The following MKLN1 variants were observed in gnomAD, a reference collection of about 807,000 sequenced individuals.
MKLN1 encodes the protein muskelin.
In MKLN1, 18 loss-of-function variants were observed where a neutral mutation model predicts 99.0. That is an observed-to-expected ratio of 0.18 (90% confidence interval 0.13 to 0.27). The LOEUF (loss-of-function observed/expected upper bound fraction) is 0.27. Ranked by LOEUF, MKLN1 falls within the 10% of genes least tolerant of loss-of-function variation. The pLI, the probability that MKLN1 is intolerant of heterozygous loss-of-function variation, is 1.00. For missense variants in MKLN1, 621 were observed against 875.9 expected (o/e 0.71, Z 3.67); for synonymous variants, 288 against 293.2 (o/e 0.98, Z 0.18).
rs542494919 is a variant in MKLN1, at chr7:131,416,092, G to A, written c.847+1382G>A. ...ATTACAGGTGTGAGCTACCATGTCC[G>A]GCCCACCCTTTCAAACAAATTTGGT... is the stretch of plus-strand genomic sequence containing the variant. On this transcript the variant is annotated intron_variant, in intron 8 of 17. Transcript: ENST00000352689. Among the ~76,000 whole-genome samples, 5 of 152,086 alleles carry A rather than the reference G, an allele frequency of 3.3e-5. No homozygotes were observed. In the East Asian group the frequency reaches 5.8e-4, roughly 18 times the overall value.
chr7:131,279,504 C>T (rs1798020825), intron 3 of MKLN1, among the ~76,000 whole-genome samples: 1 of 152,096 alleles, frequency 6.6e-6, no homozygotes, highest in Non-Finnish European at 1.5e-5. Flanking sequence ...AAAAAAGTTG[C>T]CCATTTAAAG....
chr7:131,285,467 C>T (rs976028617), intron 3 of MKLN1, among the ~76,000 whole-genome samples: 7 of 152,166 alleles, frequency 4.6e-5, no homozygotes, highest in African/African-American at 1.4e-4. Context: ...CAAAGGTAAG[C>T]GTTTCCATGT....
At position 131,229,929 on chromosome 7, in the gene MKLN1, C is replaced by T. The variant is rs183088310; in HGVS notation, c.-179+26955C>T. Among the ~76,000 whole-genome samples the T allele has an allele frequency of 1.6e-4, 25 of 152,290 alleles. 1 individual carries two copies. In the East Asian group the frequency reaches 2.5e-3, roughly 15 times the overall value. ...TCTACAGATGCAGGTTTCCCTGTTTCGTGATGGCTTTGCAGGGCTACTTCA... is the reference window on the plus strand; with the variant it reads ...TCTACAGATGCAGGTTTCCCTGTTTTGTGATGGCTTTGCAGGGCTACTTCA... On this transcript the variant is annotated intron_variant, in intron 3 of 7. Transcript: ENST00000416992.
chr7:131,246,281 C>T (rs1797487806), intron 3 of MKLN1, among the ~76,000 whole-genome samples: 1 of 152,170 alleles, frequency 6.6e-6, no homozygotes, highest in African/African-American at 2.4e-5. Context: ...CAGGGAATGC[C>T]AAACAATTCT....
chr7:131,204,044 T>C (rs548419668), intron 3 of MKLN1, among the ~76,000 whole-genome samples: 21 of 152,224 alleles, frequency 1.4e-4, no homozygotes, highest in Non-Finnish European at 2.9e-4. Context: ...CTATACTTCT[T>C]GCATCTCCTC....
rs146695886 is a variant in MKLN1 at position 131,281,599 on chromosome 7, G to A, written c.-179+78625G>A. Among the ~76,000 whole-genome samples the A allele has an allele frequency of 1.2e-3, 180 of 151,848 alleles. 1 individual carries two copies. The highest frequency in any genetic ancestry group is 4.0e-3 in the African/African-American group (164 of 41,452). On this transcript the variant is annotated intron_variant, in intron 3 of 7. Transcript: ENST00000416992. The stretch of plus-strand genomic sequence containing the variant: ...TTGGGATTTTGATGGAGATTGCATT[G>A]GATTTCATTTTTCAGGATTATTCAT...
chr7:131,332,051 T>C (rs971456751), intron 1 of MKLN1, among the ~76,000 whole-genome samples: 1 of 152,132 alleles, frequency 6.6e-6, no homozygotes, highest in Non-Finnish European at 1.5e-5. Flanking sequence ...TGATTCATGG[T>C]TCAGAGTACA....
chr7:131,248,539 T>C (rs1470106940), intron 3 of MKLN1, among the ~76,000 whole-genome samples: 1 of 152,194 alleles, frequency 6.6e-6, no homozygotes, highest in Admixed American at 6.5e-5. Flanking sequence ...GATCTTTTGC[T>C]TACTTACTGT....
intron 4 of MKLN1, among the ~76,000 whole-genome samples, chr7:131,393,745 C>T (rs965539844): frequency 1.3e-5 from 2 of 151,910 alleles, no homozygotes; most frequent in Non-Finnish European, 2.9e-5. Context: ...TTCATCTGGC[C>T]TCCCAAGTAG....
At chr7:131,426,188 A>T (rs1239800278) in intron 8 of MKLN1, among the ~76,000 whole-genome samples, 1 of 152,222 alleles carries the variant, frequency 6.6e-6, no homozygotes, top group Non-Finnish European at 1.5e-5. Flanking sequence ...CTTTGCTGTG[A>T]GAATTTATGC....
At chr7:131,269,343 G>A (rs1427354000) in intron 3 of MKLN1, among the ~76,000 whole-genome samples, 1 of 152,184 alleles carries the variant, frequency 6.6e-6, no homozygotes, top group Non-Finnish European at 1.5e-5. Flanking sequence ...TCTGGTGAGG[G>A]CCTGCCTTCT....
intron 4 of MKLN1, among the ~76,000 whole-genome samples, 168 bp from the exon 5 acceptor site, chr7:131,397,099 T>C (rs1794382905): frequency 3.3e-5 from 5 of 152,230 alleles, no homozygotes; most frequent in Non-Finnish European, 5.9e-5. Flanking sequence ...ATGGGTCATC[T>C]GTTTCGTTTT....
At position 131,450,402 on chromosome 7, in the gene MKLN1, G is replaced by A. The variant is rs192540740; in HGVS notation, c.1525+4499G>A. Reference sequence around the variant, plus strand: ...AAGTGACAGCCTTACCTTTAGATTAGTGCTAGTGAAGAAAAGAACATATTT... The same window carrying A: ...AAGTGACAGCCTTACCTTTAGATTAATGCTAGTGAAGAAAAGAACATATTT... On this transcript the variant is annotated intron_variant, in intron 12 of 17. Coordinates refer to ENST00000352689, the MANE Select transcript of MKLN1 (RefSeq NM_013255.5). Among the ~76,000 whole-genome samples the A allele has an allele frequency of 2.2e-3, 335 of 152,292 alleles. 3 individuals are homozygous for A. Among genetic ancestry groups the A allele is most frequent in the Admixed American group, 8.4e-3 (129 of 15,292 alleles).
chr7:131,423,799 CAG>C (rs1370005823), intron 8 of MKLN1, among the ~76,000 whole-genome samples: 2 of 152,130 alleles, frequency 1.3e-5, no homozygotes, highest in Non-Finnish European at 2.9e-5. Flanking sequence ...ACACTGTTAA[CAG>C]AAAGAATTCT....
intron 12 of MKLN1, among the ~76,000 whole-genome samples, chr7:131,452,544 CT>C (rs1159344518): frequency 0.056 from 3,917 of 70,210 alleles, 17 homozygotes; most frequent in African/African-American, 0.094. Context: ...TCCTTTTATA[CT>C]TTTTTTTTTT....
At chr7:131,416,979 CAAAAAAAAAAAA>C (rs374145180) in intron 8 of MKLN1, among the ~76,000 whole-genome samples, 1 of 49,580 alleles carries the variant, frequency 2.0e-5, no homozygotes, top group Non-Finnish European at 4.5e-5. Flanking sequence ...GCAACCCTGT[CAAAAAAAAAAAA>C]AAAAAAAAAA....
At chr7:131,231,046 G>T (rs1283109627) in intron 3 of MKLN1, among the ~76,000 whole-genome samples, 4 of 150,148 alleles carry the variant, frequency 2.7e-5, no homozygotes, top group Non-Finnish European at 1.5e-5. Context: ...TTTGAACCTG[G>T]GAGGCCGAGG....
intron 1 of MKLN1, among the ~76,000 whole-genome samples, chr7:131,336,499 T>G (rs188843357): frequency 6.6e-6 from 1 of 152,250 alleles, no homozygotes; most frequent in East Asian, 1.9e-4. Flanking sequence ...TTCTATATTC[T>G]ATTTTCTCTC....
chr7:131,186,756 C>T (rs1796456326), intron 2 of MKLN1, among the ~76,000 whole-genome samples: 1 of 152,158 alleles, frequency 6.6e-6, no homozygotes, highest in African/African-American at 2.4e-5. Context: ...TGTAACTGTG[C>T]CTGGCCCATA....
Sources: gnomAD v4.1 joint callset for allele counts (sites outside exome capture counted in the v4.1 genomes callset) on GRCh38, gnomAD v4.1.1 for gene constraint, MANE v1.5 for transcripts, NCBI Gene and HGNC (gene_info 2026-07-23, HGNC 2026-07-21) for gene names.